The following KAT6B variants were observed in gnomAD, a reference collection of about 807,000 sequenced individuals.
The protein encoded by KAT6B is histone acetyltransferase KAT6B.
KAT6B carries 10 observed loss-of-function variants against 187.5 expected under a neutral mutation model. The ratio of observed to expected loss-of-function variants is 0.05; its 90% CI spans 0.03 to 0.09. The LOEUF (loss-of-function observed/expected upper bound fraction) is 0.09, where lower values mean the gene tolerates loss of function less well. Ranked by LOEUF, KAT6B falls within the 10% of genes least tolerant of loss-of-function variation. KAT6B has a pLI of 1.00. For synonymous variants in KAT6B, 861 were observed against 926.8 expected (o/e 0.93, Z 1.29); for missense variants, 1,952 against 2,558.9 (o/e 0.76, Z 5.12).
At chr10:74,915,358 G>A (rs1423094128) in intron 3 of KAT6B, among the ~76,000 whole-genome samples, 1 of 152,060 alleles carries the variant, frequency 6.6e-6, no homozygotes, top group African/African-American at 2.4e-5. Context: ...CCATGCACTT[G>A]TAGATCTTCC....
At chr10:75,006,294 A>G (rs1181974932) in intron 13 of KAT6B, among the ~76,000 whole-genome samples, 1 of 152,226 alleles carries the variant, frequency 6.6e-6, no homozygotes, top group Non-Finnish European at 1.5e-5. Flanking sequence ...TCATAATGAT[A>G]CTAAAAAACA....
At chr10:74,961,159 A>G (rs1410053219) in intron 4 of KAT6B, among the ~76,000 whole-genome samples, 2 of 152,118 alleles carry the variant, frequency 1.3e-5, no homozygotes, top group Non-Finnish European at 2.9e-5. Context: ...TTACCTGGCC[A>G]TGGCATCATG....
chr10:74,831,899 A>T (rs975475249), intron 1 of KAT6B, among the ~76,000 whole-genome samples: 1 of 152,214 alleles, frequency 6.6e-6, no homozygotes, highest in Non-Finnish European at 1.5e-5. Flanking sequence ...TGGGGACTGG[A>T]TCCCTGACTC....
chr10:74,957,195 G>A (rs1479680703), intron 3 of KAT6B, among the ~76,000 whole-genome samples: 49 of 152,022 alleles, frequency 3.2e-4, no homozygotes, highest in Non-Finnish European at 1.5e-5. Flanking sequence ...GTTTCATTTC[G>A]TACAAGTGAC....
intron 3 of KAT6B, among the ~76,000 whole-genome samples, chr10:74,883,684 G>T (rs547128937): frequency 2.0e-5 from 3 of 152,168 alleles, no homozygotes; most frequent in Non-Finnish European, 4.4e-5. Context: ...GTGGTGGCCA[G>T]CCCAGAGGGA....
chr10:74,877,208 T>C (rs9299524), intron 3 of KAT6B, among the ~76,000 whole-genome samples: 45,416 of 151,918 alleles, frequency 0.3, 12,261 homozygotes, highest in African/African-American at 0.71. Context: ...TCAGATAATC[T>C]GCCCACCTCC....
chr10:74,956,173 C>T (rs1840680400), intron 3 of KAT6B, among the ~76,000 whole-genome samples: 1 of 152,088 alleles, frequency 6.6e-6, no homozygotes, highest in Non-Finnish European at 1.5e-5. Flanking sequence ...GACATTTTTT[C>T]AAGAGTACAG....
chr10:74,924,140 G>A (rs899782021), intron 3 of KAT6B, among the ~76,000 whole-genome samples: 4 of 152,100 alleles, frequency 2.6e-5, no homozygotes, highest in Admixed American at 2.0e-4. Context: ...AGAAGTAAAG[G>A]GGAGAGATGG....
intron 1 of KAT6B, among the ~76,000 whole-genome samples, chr10:74,830,769 T>TATATATATATATATA (rs58702000): frequency 3.9e-4 from 3 of 7,736 alleles, no homozygotes; most frequent in Non-Finnish European, 5.2e-4. Context: ...TATATATATA[T>TATATATATATATATA]TTTTTTTTTT....
intron 3 of KAT6B, among the ~76,000 whole-genome samples, chr10:74,956,857 T>C (rs995871096): frequency 5.9e-5 from 9 of 152,228 alleles, no homozygotes; most frequent in Admixed American, 2.0e-4. Context: ...TTTAGACTTA[T>C]TCATGAGCCT....
chr10:74,840,781 T>C (rs1841690089), intron 2 of KAT6B, among the ~76,000 whole-genome samples: 1 of 152,164 alleles, frequency 6.6e-6, no homozygotes, highest in South Asian at 2.1e-4. Context: ...ATTGCCTCCT[T>C]TAAGGTGGCA....
chr10:74,830,578 C>G (rs1840677322), intron 1 of KAT6B, among the ~76,000 whole-genome samples: 1 of 151,082 alleles, frequency 6.6e-6, no homozygotes, highest in Non-Finnish European at 1.5e-5. Context: ...CCAAACTCTT[C>G]TAAAGTATTG....
At chr10:75,012,736 C>A (rs922786192) in intron 13 of KAT6B, among the ~76,000 whole-genome samples, 1 of 152,158 alleles carries the variant, frequency 6.6e-6, no homozygotes, top group Non-Finnish European at 1.5e-5. Flanking sequence ...AATGACCAAC[C>A]CCGCAAGGGA....
chr10:74,924,114 G>C (rs189603543), intron 3 of KAT6B, among the ~76,000 whole-genome samples: 2 of 152,298 alleles, frequency 1.3e-5, no homozygotes, highest in Admixed American at 1.3e-4. Flanking sequence ...CTATCACTGA[G>C]ATAAACAGAG....
At chr10:74,940,855 T>G (rs1849620224) in intron 3 of KAT6B, among the ~76,000 whole-genome samples, 1 of 152,190 alleles carries the variant, frequency 6.6e-6, no homozygotes, top group South Asian at 2.1e-4. Flanking sequence ...CTCTGTATTT[T>G]CTCTCCAACT....
At chr10:75,019,189 T>G (rs898798231) in intron 13 of KAT6B, among the ~76,000 whole-genome samples, 2 of 152,210 alleles carry the variant, frequency 1.3e-5, no homozygotes, top group African/African-American at 2.4e-5. Flanking sequence ...GGTGCTTGTT[T>G]GCATTCAGTC....
chr10:74,844,268 G>A (rs973621514), intron 3 of KAT6B, among the ~76,000 whole-genome samples: 9 of 151,534 alleles, frequency 5.9e-5, no homozygotes, highest in African/African-American at 2.2e-4. Context: ...GCACAATCTC[G>A]GCTCACTGCA....
At chr10:75,001,026 C>CA (rs970793818) in intron 13 of KAT6B, among the ~76,000 whole-genome samples, 1 of 152,108 alleles carries the variant, frequency 6.6e-6, no homozygotes, top group Non-Finnish European at 1.5e-5. Flanking sequence ...TACATGTCCC[C>CA]TTTTTTAGAA....
intron 3 of KAT6B, among the ~76,000 whole-genome samples, chr10:74,918,012 AT>A (rs1009005179): frequency 6.6e-5 from 10 of 152,108 alleles, no homozygotes; most frequent in African/African-American, 2.4e-4. Flanking sequence ...TTTGGCTTAA[AT>A]TTTTTTTAAA....
Sources: gnomAD v4.1 joint callset for allele counts (sites outside exome capture counted in the v4.1 genomes callset) on GRCh38, gnomAD v4.1.1 for gene constraint, MANE v1.5 for transcripts, NCBI Gene and HGNC (gene_info 2026-07-23, HGNC 2026-07-21) for gene names.